Variants in USP33 observed in about 807,000 individuals in gnomAD.
The protein encoded by USP33 is ubiquitin specific peptidase 33.
USP33 carries 46 observed loss-of-function variants against 124.2 expected under a neutral mutation model. The observed-to-expected ratio is 0.37, with a 90% CI of 0.29 to 0.47. The LOEUF is 0.47. Ranked by LOEUF, USP33 falls within the 20% of genes least tolerant of loss-of-function variation. USP33 has a pLI of 0.99. For synonymous variants in USP33, 350 were observed against 352.3 expected (o/e 0.99, Z 0.07); for missense variants, 851 against 1,070.6 (o/e 0.79, Z 2.86).
chr1:77,731,443 T>G (rs1677796241), intron 7 of USP33, among the ~76,000 whole-genome samples: 1 of 152,180 alleles, frequency 6.6e-6, no homozygotes, highest in African/African-American at 2.4e-5. Context: ...TATAGGAAAC[T>G]GATTAGGCAA....
At chr1:77,714,980 A>C (rs554187925) in intron 18 of USP33, 197 bp from the exon 19 acceptor site, 9 of 523,882 alleles carry the variant, frequency 1.7e-5, no homozygotes, top group South Asian at 2.9e-5. Context: ...TCTTACCTAC[A>C]GGTATCCACA....
At chr1:77,701,530 A>C in intron 21 of USP33, 59 bp from the exon 22 acceptor site, 1 of 1,339,210 alleles carries the variant, frequency 7.5e-7, no homozygotes, top group Non-Finnish European at 1.1e-6. Flanking sequence ...TGGCAAAACA[A>C]TACCATCATT....
At position 77,725,716 on chromosome 1, in the gene USP33, G is replaced by C. The variant is rs767869565; in HGVS notation, c.1182C>G (p.Ile394Met). The change falls in exon 11 of 24, where the codon ATC becomes ATG. Residue 394 changes from isoleucine to methionine, a missense_variant. Physicochemically the swap from Ile to Met is conservative, Grantham distance 10. Transcript: ENST00000370794. ...GATTAACACCTTCATTTGATGGAAG[G>C]ATCTGTGGTGTAGACAGGTCATTCG... ...VHSNDLSTPQ[I>M]LPSNEGVNPR... 1 of 1,614,056 alleles carries C rather than the reference G, an allele frequency of 6.2e-7. No homozygotes were observed. Among genetic ancestry groups the C allele is most frequent in the South Asian group, 1.1e-5 (1 of 91,070 alleles).
chr1:77,720,447 T>G, intron 15 of USP33: 6 of 985,432 alleles, frequency 6.1e-6, no homozygotes, highest in Non-Finnish European at 7.2e-6. Flanking sequence ...GAAGTCAGCT[T>G]TTTCATCTTT....
intron 19 of USP33, among the ~76,000 whole-genome samples, chr1:77,714,266 G>A (rs947118257): frequency 1.3e-5 from 2 of 152,152 alleles, no homozygotes; most frequent in African/African-American, 4.8e-5. Flanking sequence ...GAAAAATGAT[G>A]TATAATAGAG....
intron 23 of USP33, 28 bp downstream of exon 23, chr1:77,697,831 CAAGT>C: frequency 6.4e-7 from 1 of 1,567,928 alleles, no homozygotes; most frequent in Non-Finnish European, 8.7e-7. Flanking sequence ...AAATCACTCA[CAAGT>C]AAAAGCTTAA....
At position 77,722,077 on chromosome 1, in the gene USP33, G is replaced by C. The variant is rs371408436; in HGVS notation, c.1509C>G (p.Gly503=). ...TCCACCCTTGTGGAGCATATGCTTC[G>C]CCACATGATCCTGCTTTGACTATAG... ...PTSIVKAGSC[G]EAYAPQGWIA... Residue 503 remains glycine, a synonymous_variant, in exon 13 of 24, where the codon GGC becomes GGG. Transcript: ENST00000370794. 1 of 1,613,898 alleles carries C rather than the reference G, an allele frequency of 6.2e-7. No individual in the cohort carries two copies. The highest frequency in any genetic ancestry group is 8.5e-7 in the Non-Finnish European group (1 of 1,179,912).
At chr1:77,738,582 G>A (rs1457994526) in intron 5 of USP33, among the ~76,000 whole-genome samples, 1 of 151,744 alleles carries the variant, frequency 6.6e-6, no homozygotes, top group Non-Finnish European at 1.5e-5. Context: ...CCAGGTTCAC[G>A]CCATTCTCCT....
In USP33 at chr1:77,728,273, G is replaced by C. The variant is rs1169427024; in HGVS notation, c.1135+22C>G. On this transcript the variant is annotated intron_variant, in intron 10 of 23. Transcript: ENST00000370794. ...ACAAATGAAATACTATCATTTTCAT[G>C]AACAAACTACTAAATTGTCACCTGA... 4 of 1,541,542 alleles carry C rather than the reference G, an allele frequency of 2.6e-6. No individual in the cohort carries two copies. In the East Asian group the frequency reaches 6.8e-5, roughly 26 times the overall value.
Position 77,739,356 on chromosome 1 carries a change from C to A in USP33, c.260G>T (p.Ser87Ile). Residue 87 changes from serine (S) to isoleucine (I), a missense_variant, in exon 5 of 24, where the codon AGC (serine) becomes ATC (isoleucine). Ser to Ile is a moderately radical substitution (Grantham distance 142). Transcript: ENST00000370794. ...TTLRVWCYAC[S>I]KEVFLDRKLG... Reference sequence around the variant, plus strand: ...TTTCCTATCCAAAAATACTTCTTTGCTGCAAGCATAACACCATACTCGAAG... The same window carrying A: ...TTTCCTATCCAAAAATACTTCTTTGATGCAAGCATAACACCATACTCGAAG... The A allele has an allele frequency of 6.2e-7, 1 of 1,613,862 alleles. No individual in the cohort carries two copies. The highest frequency in any genetic ancestry group is 8.5e-7 in the Non-Finnish European group (1 of 1,179,908).
chr1:77,733,182 C>T (rs1678039595), intron 7 of USP33, among the ~76,000 whole-genome samples: 1 of 152,040 alleles, frequency 6.6e-6, no homozygotes, highest in Admixed American at 6.6e-5. Flanking sequence ...TCACTTGAAC[C>T]CAGGAGTTGA....
rs554673430 is a variant in USP33, at chr1:77,718,854, G to A, written c.1692-213C>T. 9.3e-4 allele frequency: 422 copies of A among 452,016 alleles called. 2 individuals are homozygous for A. The highest frequency in any genetic ancestry group is 1.3e-3 in the Non-Finnish European group (339 of 252,072). The allele number at this position is 452,016 out of a possible 1,614,324, so 28.0% of individuals were successfully genotyped here. ...TGAGGCAGGAGAATCACTTGAACCC[G>A]GGACACGGAGTTTGCAGAGAGCCAA... On this transcript the variant is annotated intron_variant, in intron 15 of 23. Coordinates refer to ENST00000370794, the MANE Select transcript of USP33 (RefSeq NM_201624.3).
Position 77,723,368 on chromosome 1 carries a change from G to T in USP33, c.1352C>A (p.Thr451Lys), listed in dbSNP as rs747109697. The change falls in exon 12 of 24, where the codon ACA becomes AAA. Residue 451 changes from threonine to lysine, a missense_variant. Coordinates refer to ENST00000370794, the MANE Select transcript of USP33 (RefSeq NM_201624.3). Reference protein sequence around the residue: ...RSVISDIFDGTIISSVQCLTC... With the variant: ...RSVISDIFDGKIISSVQCLTC... Reference sequence around the variant, plus strand: ...CAGACACTGCACTGAACTAATGATTGTTCCATCAAATATGTCTGAAATAAC... The same window carrying T: ...CAGACACTGCACTGAACTAATGATTTTTCCATCAAATATGTCTGAAATAAC... 2.5e-6 allele frequency: 4 copies of T among 1,612,828 alleles called. No individual in the cohort carries two copies. The East Asian group carries it at 6.7e-5, about 27-fold the overall frequency.
At chr1:77,707,139 T>C (rs984769012) in intron 21 of USP33, among the ~76,000 whole-genome samples, 1 of 152,226 alleles carries the variant, frequency 6.6e-6, no homozygotes, top group Admixed American at 6.5e-5. Flanking sequence ...AACCAGATTA[T>C]ACCCACTGTG....
At chr1:77,713,082 T>A (rs1675450017) in intron 20 of USP33, 118 bp downstream of exon 20, 1 of 771,572 alleles carries the variant, frequency 1.3e-6, no homozygotes, top group African/African-American at 1.8e-5. Context: ...TTAGAATGAA[T>A]AAGTAAGGGA....
chr1:77,721,389 A>G, intron 14 of USP33, 184 bp from the exon 15 acceptor site: 2 of 613,410 alleles, frequency 3.3e-6, no homozygotes, highest in South Asian at 4.2e-5. Context: ...TCCTGCCAAC[A>G]TTGAAGACCT....
intron 1 of USP33, among the ~76,000 whole-genome samples, chr1:77,755,590 C>G (rs1046233951): frequency 6.6e-6 from 1 of 152,000 alleles, no homozygotes; most frequent in African/African-American, 2.4e-5. Context: ...CTCAGCTACT[C>G]CAGAGGCTGA....
At chr1:77,715,590 C>T (rs1570760476) in intron 18 of USP33, 152 bp downstream of exon 18, 1 of 792,388 alleles carries the variant, frequency 1.3e-6, no homozygotes, top group Non-Finnish European at 1.9e-6. Context: ...AATCATTCTA[C>T]ATATACAGCC....
Position 77,741,410 on chromosome 1 carries a change from T to C in USP33, c.101A>G (p.Lys34Arg), listed in dbSNP as rs764859070. ...QKSLGTCQDCKVQGPNLWACL... is the reference protein window; with the variant it reads ...QKSLGTCQDCRVQGPNLWACL... ...TGCCCAAAGATTTGGTCCTTGGACT[T>C]TACAATCCTGACAAGTACCCTATAA... The change falls in exon 3 of 24, where the codon AAA (lysine) becomes AGA (arginine). Residue 34 changes from lysine to arginine, a missense_variant. By Grantham distance (26) the Lys-to-Arg change is conservative (BLOSUM62 2). Transcript: ENST00000370794. The C allele has an allele frequency of 1.2e-6, 2 of 1,609,998 alleles. No homozygotes were observed.
Sources: gnomAD v4.1 joint callset for allele counts (sites outside exome capture counted in the v4.1 genomes callset) on GRCh38, gnomAD v4.1.1 for gene constraint, MANE v1.5 for transcripts, NCBI Gene and HGNC (gene_info 2026-07-23, HGNC 2026-07-21) for gene names.